The following CCDC183 variants were observed in gnomAD, a reference collection of about 807,000 sequenced individuals.
CCDC183 encodes coiled-coil domain containing 183.
In CCDC183, 63 loss-of-function variants were observed where a neutral mutation model predicts 65.2. The observed-to-expected ratio is 0.97, with a 90% CI of 0.79 to 1.19. The LOEUF (loss-of-function observed/expected upper bound fraction) is 1.19, where lower values mean the gene tolerates loss of function less well. Ranked by LOEUF, CCDC183 falls within the 50% of genes most tolerant of loss-of-function variation. The pLI, the probability that CCDC183 is intolerant of heterozygous loss-of-function variation, is 0.00. For synonymous variants in CCDC183, 323 were observed against 276.5 expected, an observed-to-expected ratio of 1.17 and a Z score of -1.67; for missense variants, 769 against 689.3, an observed-to-expected ratio of 1.12 and a Z score of -1.30.
intron 10 of CCDC183, 133 bp downstream of exon 10, chr9:136,806,371 C>A: frequency 7.2e-7 from 1 of 1,391,138 alleles, no homozygotes; most frequent in Non-Finnish European, 9.9e-7. Context: ...CCAGGGGACT[C>A]CACTTGCACA....
At chr9:136,802,522 T>A in intron 5 of CCDC183, 142 bp from the exon 6 acceptor site, 1 of 1,196,734 alleles carries the variant, frequency 8.4e-7, no homozygotes, top group Non-Finnish European at 1.2e-6. Flanking sequence ...ATCACCGTTG[T>A]GCCCAGCGGG....
intron 4 of CCDC183, 76 bp downstream of exon 4, chr9:136,800,245 G>C: frequency 7.2e-7 from 1 of 1,383,080 alleles, no homozygotes; most frequent in Non-Finnish European, 9.7e-7. Context: ...GCCACCGGGG[G>C]GCGGGACTTG....
chr9:136,806,289 C>T (rs1262740047), intron 10 of CCDC183, 51 bp downstream of exon 10: 16 of 1,538,014 alleles, frequency 1.0e-5, no homozygotes, highest in Non-Finnish European at 1.4e-5. Flanking sequence ...CTCACAAAGG[C>T]CCCGGGCTGC....
At chr9:136,806,260 G>A (rs751457894) in intron 10 of CCDC183, 22 bp downstream of exon 10, 39 of 1,578,286 alleles carry the variant, frequency 2.5e-5, no homozygotes, top group Non-Finnish European at 3.3e-5. Context: ...TTCCGGGGCT[G>A]CGGGCCACCC....
intron 5 of CCDC183, 128 bp from the exon 6 acceptor site, chr9:136,802,536 T>G: frequency 2.3e-6 from 3 of 1,281,474 alleles, no homozygotes; most frequent in East Asian, 2.5e-5. Flanking sequence ...CAGCGGGGAG[T>G]GGGGGAGGTG....
Position 136,806,144 on chromosome 9 carries a change from T to G in CCDC183, c.1015T>G (p.Cys339Gly). The change falls in exon 10 of 14, where the codon TGT (cysteine) becomes GGT (glycine). Residue 339 changes from cysteine (C) to glycine (G), a missense_variant. Cys to Gly is a radical substitution (Grantham distance 159). Coordinates refer to ENST00000338005, the MANE Select transcript of CCDC183 (RefSeq NM_001039374.5). ...GAACCTGGAGCTGCAGATGGAGGAC[T>G]GTGAGGAGTGGCGGGTGCAGCTGAA... ...EENLELQMED[C>G]EEWRVQLKAL... 6.4e-7 allele frequency: 1 copy of G among 1,561,326 alleles called. No individual in the cohort carries two copies. The highest frequency in any genetic ancestry group is 8.7e-7 in the Non-Finnish European group (1 of 1,152,244).
Position 136,799,083 on chromosome 9 carries a change from C to T in CCDC183, c.71-19C>T, listed in dbSNP as rs776327681. ...CTTGGCCCAATCCTAGCCACTGTGT[C>T]CCCTCCACCTGCCCACAGAGCAGTG... On this transcript the variant is annotated intron_variant, in intron 1 of 13. Coordinates refer to ENST00000338005, the MANE Select transcript of CCDC183 (RefSeq NM_001039374.5). 7.4e-6 allele frequency: 12 copies of T among 1,612,312 alleles called. No homozygotes were observed.
chr9:136,803,433 A>C (rs901142753), intron 6 of CCDC183, among the ~76,000 whole-genome samples: 1 of 152,070 alleles, frequency 6.6e-6, no homozygotes, highest in African/African-American at 2.4e-5. Flanking sequence ...GGTCCCATCC[A>C]GCACAGGAGC....
chr9:136,806,416 C>CA, intron 10 of CCDC183, 88 bp from the exon 11 acceptor site: 1 of 1,542,502 alleles, frequency 6.5e-7, no homozygotes, highest in Non-Finnish European at 8.9e-7. Context: ...TCTGGCACAG[C>CA]ACCCAACTCA....
intron 9 of CCDC183, 51 bp from the exon 10 acceptor site, chr9:136,806,027 C>G: frequency 6.7e-7 from 1 of 1,488,514 alleles, no homozygotes; most frequent in Non-Finnish European, 9.1e-7. Flanking sequence ...GAAGCCCCCT[C>G]TGCCCACCAT....
chr9:136,798,577 G>C (rs1303466375), intron 1 of CCDC183, among the ~76,000 whole-genome samples: 1 of 152,134 alleles, frequency 6.6e-6, no homozygotes, highest in Non-Finnish European at 1.5e-5. Flanking sequence ...GATTACAGGT[G>C]TGAGCCACCG....
At position 136,804,020 on chromosome 9, in the gene CCDC183, G is replaced by C. The variant is rs1326436029; in HGVS notation, c.667-482G>C. Reference sequence around the variant, plus strand: ...GTATACCCGGGGTGGAGAAGGGGTGGCCAGGAGCAACGGAGCTGAGAACTC... The same window carrying C: ...GTATACCCGGGGTGGAGAAGGGGTGCCCAGGAGCAACGGAGCTGAGAACTC... On this transcript the variant is annotated intron_variant, in intron 6 of 13. Transcript: ENST00000338005. This position sits in a 1 kb window ranked among gnomAD's most constrained non-coding sequence, Gnocchi z 4.1. 5.9e-6 allele frequency: 1 copy of C among 169,136 alleles called. No homozygotes were observed. Among genetic ancestry groups the C allele is most frequent in the Non-Finnish European group, 1.3e-5 (1 of 77,992 alleles). The allele number at this position is 169,136 out of a possible 1,614,324, so 10.5% of individuals were successfully genotyped here. A position where few individuals can be genotyped will look rare whatever the true frequency, so the allele number is the denominator to read the frequency against.
chr9:136,807,697 C>T lies in CCDC183; in HGVS notation c.*7C>T. The T allele has an allele frequency of 6.3e-7, 1 of 1,591,940 alleles. No individual in the cohort carries two copies. The highest frequency in any genetic ancestry group is 8.6e-7 in the Non-Finnish European group (1 of 1,169,412). On this transcript the variant is annotated 3_prime_UTR_variant, in exon 14 of 14. Transcript: ENST00000338005. ...CAAGAAAAAGAAGAAGTAGCCCCGC[C>T]GCCCCGCTCCCTGCTTTGCTACACA...
At chr9:136,797,454 T>A (rs1302636480) in intron 1 of CCDC183, among the ~76,000 whole-genome samples, 28 of 148,052 alleles carry the variant, frequency 1.9e-4, no homozygotes, top group African/African-American at 2.2e-4. Flanking sequence ...TTTTTTTTTT[T>A]ATGAGATGGA....
intron 8 of CCDC183, chr9:136,805,147 T>C (rs1847819506): frequency 6.7e-6 from 4 of 597,182 alleles, no homozygotes; most frequent in Non-Finnish European, 1.2e-5. Flanking sequence ...TCACTCCGGG[T>C]CCACCTCTGC....
At chr9:136,807,093 G>A in intron 13 of CCDC183, 27 bp downstream of exon 13, 2 of 1,607,028 alleles carry the variant, frequency 1.2e-6, no homozygotes, top group Non-Finnish European at 1.7e-6. Flanking sequence ...TGGGGCCCGG[G>A]CTGCAGGCGG....
chr9:136,797,792 A>C (rs1847675193), intron 1 of CCDC183, among the ~76,000 whole-genome samples: 1 of 152,000 alleles, frequency 6.6e-6, no homozygotes, highest in Admixed American at 6.5e-5. Context: ...AAATACCCGC[A>C]GGTGTGGAGG....
rs200248845 is a variant in CCDC183 at position 136,806,688 on chromosome 9, C to G, written c.1278+16C>G. On this transcript the variant is annotated intron_variant, in intron 11 of 13. Coordinates refer to ENST00000338005, the MANE Select transcript of CCDC183 (RefSeq NM_001039374.5). ...TGCGACCCAGGTACCGGGAGTGAGG[C>G]TGAGCTGCCACACACCAGGTCCCTG... 3.1e-3 allele frequency: 4,989 copies of G among 1,613,292 alleles called. 12 individuals carry two copies. The highest frequency in any genetic ancestry group is 3.8e-3 in the Non-Finnish European group (4,487 of 1,179,962).
Position 136,804,774 on chromosome 9 carries a change from T to C in CCDC183, c.805T>C (p.Leu269=), listed in dbSNP as rs756417838. ...CACCTCCCATCAGGGCCAGATGGACTTGGACTTCCCCTCGAACCTGATGAG... is the reference window on the plus strand; with the variant it reads ...CACCTCCCATCAGGGCCAGATGGACCTGGACTTCCCCTCGAACCTGATGAG... The part of the protein sequence containing the change: ...SEKYRRGQMD[L]DFPSNLMSTE... The change falls in exon 8 of 14, where the codon TTG becomes CTG. Residue 269 remains leucine, a synonymous_variant. Transcript: ENST00000338005. This position sits in a 1 kb window ranked among gnomAD's most constrained non-coding sequence, Gnocchi z 4.1. 3 of 1,613,514 alleles carry C rather than the reference T, an allele frequency of 1.9e-6. No individual in the cohort carries two copies. In the South Asian group the frequency reaches 3.3e-5, roughly 18 times the overall value.
Sources: allele counts gnomAD v4.1 joint callset (sites outside exome capture counted in the v4.1 genomes callset), GRCh38; gene constraint gnomAD v4.1.1; non-coding constraint Gnocchi (gnomAD v3.1); transcripts MANE v1.5; gene names NCBI Gene and HGNC (gene_info 2026-07-23, HGNC 2026-07-21).